Variants in REDIC1 observed in about 807,000 individuals in gnomAD.
The protein encoded by REDIC1 is HEI10 Interacting Protein 1.
chr12:39,664,051 CTT>C, the REDIC1 span, among the ~76,000 whole-genome samples: 1 of 151,156 alleles, frequency 6.6e-6, no homozygotes, highest in African/African-American at 2.4e-5. Context: ...CAACTTCTCT[CTT>C]GTTTTTAGAA....
At chr12:39,824,777 T>G in the REDIC1 span, among the ~76,000 whole-genome samples, 21 of 152,076 alleles carry the variant, frequency 1.4e-4, 1 homozygote, top group Admixed American at 1.3e-3. Flanking sequence ...CAGCAGGAGA[T>G]AGAATAAGCA....
chr12:39,763,846 G>C, the REDIC1 span, among the ~76,000 whole-genome samples: 36 of 152,108 alleles, frequency 2.4e-4, no homozygotes, highest in South Asian at 1.0e-3. Context: ...TTTTCATTTT[G>C]AATTATGGCC....
At chr12:39,728,510 T>C in the REDIC1 span, among the ~76,000 whole-genome samples, 2 of 152,194 alleles carry the variant, frequency 1.3e-5, no homozygotes, top group African/African-American at 2.4e-5. Context: ...TTGATCATGA[T>C]GGATAAGCTT....
the REDIC1 span, chr12:39,682,557 A>G: frequency 8.9e-6 from 12 of 1,352,132 alleles, no homozygotes; most frequent in Admixed American, 2.7e-4. Context: ...AAGAGTTTCT[A>G]AATGCAAATA....
the REDIC1 span, among the ~76,000 whole-genome samples, chr12:39,742,066 T>C: frequency 6.6e-6 from 1 of 152,072 alleles, no homozygotes; most frequent in East Asian, 1.9e-4. Flanking sequence ...TGGTGGGGGG[T>C]ATAATGAGGC....
the REDIC1 span, among the ~76,000 whole-genome samples, chr12:39,655,771 A>G: frequency 2.0e-5 from 3 of 152,164 alleles, no homozygotes; most frequent in Non-Finnish European, 4.4e-5. Context: ...GCTCCAGGCT[A>G]TAACTGTATG....
chr12:39,721,386 T>C, the REDIC1 span: 2 of 702,148 alleles, frequency 2.8e-6, no homozygotes, highest in South Asian at 3.7e-5. Flanking sequence ...TCAGGGTGTA[T>C]ATTCACGGTT....
the REDIC1 span, chr12:39,737,005 A>T: frequency 6.6e-6 from 1 of 152,230 alleles, no homozygotes; most frequent in African/African-American, 2.4e-5. Flanking sequence ...GCTACACAGC[A>T]TTAGATAATT....
the REDIC1 span, among the ~76,000 whole-genome samples, chr12:39,859,220 T>G: frequency 6.6e-6 from 1 of 150,994 alleles, no homozygotes; most frequent in Non-Finnish European, 1.5e-5. Flanking sequence ...AAGAACCACA[T>G]TGATCATATT....
chr12:39,666,101 T>C, the REDIC1 span, among the ~76,000 whole-genome samples: 2 of 152,168 alleles, frequency 1.3e-5, no homozygotes, highest in Admixed American at 1.3e-4. Flanking sequence ...TCCAATACTA[T>C]GTTGAATAGG....
chr12:39,868,914 T>A, the REDIC1 span, among the ~76,000 whole-genome samples: 42 of 152,326 alleles, frequency 2.8e-4, no homozygotes, highest in African/African-American at 9.6e-4. Flanking sequence ...TTATTTGTAA[T>A]CATTTTAAAA....
chr12:39,713,081 G>C, the REDIC1 span, among the ~76,000 whole-genome samples: 1 of 148,150 alleles, frequency 6.7e-6, no homozygotes, highest in African/African-American at 2.5e-5. Context: ...ACGTGCATAC[G>C]TGTATGTGTA....
chr12:39,892,043 A>C, the REDIC1 span, among the ~76,000 whole-genome samples: 1 of 152,206 alleles, frequency 6.6e-6, no homozygotes, highest in Non-Finnish European at 1.5e-5. Flanking sequence ...AAAGAAGAGA[A>C]GATCTATTAG....
At chr12:39,854,208 G>T in the REDIC1 span, among the ~76,000 whole-genome samples, 3 of 151,894 alleles carry the variant, frequency 2.0e-5, no homozygotes, top group Non-Finnish European at 4.4e-5. Context: ...GATATAATCC[G>T]TCTGATCCTT....
chr12:39,692,217 T>TCCATG, the REDIC1 span: 2 of 1,102,396 alleles, frequency 1.8e-6, no homozygotes, highest in Non-Finnish European at 2.5e-6. Flanking sequence ...CCAACAAATA[T>TCCATG]ATATCATGGA....
At chr12:39,775,930 T>C in the REDIC1 span, among the ~76,000 whole-genome samples, 1 of 152,214 alleles carries the variant, frequency 6.6e-6, no homozygotes, top group East Asian at 1.9e-4. Flanking sequence ...AATGAGCGTT[T>C]CCTTTGAGCA....
chr12:39,667,889 C>G, the REDIC1 span, among the ~76,000 whole-genome samples: 1 of 152,056 alleles, frequency 6.6e-6, no homozygotes, highest in Non-Finnish European at 1.5e-5. Flanking sequence ...GGATTGCAAC[C>G]CCTGCCTTTT....
the REDIC1 span, among the ~76,000 whole-genome samples, chr12:39,895,482 T>C: frequency 2.4e-5 from 2 of 83,992 alleles, no homozygotes; most frequent in East Asian, 3.3e-4. Context: ...AGAGCGAGAC[T>C]CTGTCTCAAA....
the REDIC1 span, among the ~76,000 whole-genome samples, chr12:39,723,138 G>C: frequency 6.6e-6 from 1 of 152,170 alleles, no homozygotes; most frequent in Non-Finnish European, 1.5e-5. Flanking sequence ...CTCCATGAGA[G>C]AGGATGACTG....
Sources: allele counts gnomAD v4.1 joint callset (sites outside exome capture counted in the v4.1 genomes callset), GRCh38; gene constraint gnomAD v4.1.1; transcripts MANE v1.5; gene names NCBI Gene and HGNC (gene_info 2026-07-23, HGNC 2026-07-21).